Variants in GRM7 observed in about 807,000 individuals in gnomAD.
GRM7 encodes the protein glutamate metabotropic receptor 7.
Under a neutral mutation model 84.5 loss-of-function variants are expected in GRM7, and 35 were observed. The observed-to-expected ratio is 0.41, with a 90% CI of 0.32 to 0.55. The LOEUF is 0.55. Among genes scored for constraint, GRM7 ranks in the 20% least tolerant of loss-of-function variants. GRM7 has a pLI of 0.19. For synonymous variants in GRM7, 487 were observed against 455.1 expected, an observed-to-expected ratio of 1.07 and a Z score of -0.89; for missense variants, 1,003 against 1,194.6, an observed-to-expected ratio of 0.84 and a Z score of 2.36.
chr3:7,148,251 G>C (rs567124151), intron 2 of GRM7, among the ~76,000 whole-genome samples: 1 of 152,054 alleles, frequency 6.6e-6, no homozygotes, highest in Non-Finnish European at 1.5e-5. Flanking sequence ...ATCAAACTAA[G>C]GCTGGAGGCT....
intron 2 of GRM7, among the ~76,000 whole-genome samples, chr3:7,229,189 T>G (rs1007931662): frequency 6.6e-6 from 1 of 152,170 alleles, no homozygotes; most frequent in African/African-American, 2.4e-5. Flanking sequence ...ACTTTACAAT[T>G]AACATTTCCA....
At chr3:7,739,409 A>G (rs1361584688) in intron 9 of GRM7, among the ~76,000 whole-genome samples, 1 of 152,252 alleles carries the variant, frequency 6.6e-6, no homozygotes, top group Non-Finnish European at 1.5e-5. Context: ...ATCTAAAAAC[A>G]GTAAGCAAAA....
At chr3:7,287,567 T>A (rs1403203466) in intron 2 of GRM7, among the ~76,000 whole-genome samples, 4 of 152,116 alleles carry the variant, frequency 2.6e-5, no homozygotes, top group African/African-American at 9.7e-5. Context: ...CTGATAAAAG[T>A]CTTAAATATT....
intron 4 of GRM7, among the ~76,000 whole-genome samples, chr3:7,381,838 A>G (rs2125130566): frequency 6.6e-6 from 1 of 152,322 alleles, no homozygotes; most frequent in South Asian, 2.1e-4. Context: ...GGGAGAATCA[A>G]TCATTTCTGA....
intron 4 of GRM7, among the ~76,000 whole-genome samples, chr3:7,381,604 T>C (rs944043778): frequency 6.6e-6 from 1 of 152,164 alleles, no homozygotes; most frequent in African/African-American, 2.4e-5. Flanking sequence ...CTGACCGTAT[T>C]GAAGTATGGG....
At chr3:7,649,292 A>C (rs901819891) in intron 8 of GRM7, among the ~76,000 whole-genome samples, 1 of 151,978 alleles carries the variant, frequency 6.6e-6, no homozygotes, top group African/African-American at 2.4e-5. Context: ...GATAGTCCCG[A>C]TCTCCTGACC....
At chr3:7,154,126 T>A (rs1343309548) in intron 2 of GRM7, among the ~76,000 whole-genome samples, 91 of 152,292 alleles carry the variant, frequency 6.0e-4, no homozygotes, top group Non-Finnish European at 5.9e-5. Context: ...TGATGGAAAA[T>A]TGTCTTCCAA....
chr3:7,677,834 G>C (rs1341747489), intron 8 of GRM7, among the ~76,000 whole-genome samples: 1 of 152,116 alleles, frequency 6.6e-6, no homozygotes, highest in African/African-American at 2.4e-5. Context: ...TTTCACAATA[G>C]CAAAGACATG....
intron 8 of GRM7, among the ~76,000 whole-genome samples, chr3:7,619,207 T>C (rs1307758177): frequency 1.3e-5 from 2 of 152,164 alleles, no homozygotes; most frequent in Non-Finnish European, 2.9e-5. Flanking sequence ...GAAGACAAGT[T>C]TCTCCTCTCT....
chr3:7,576,621 T>G (rs1694973709), intron 7 of GRM7, among the ~76,000 whole-genome samples: 1 of 152,214 alleles, frequency 6.6e-6, no homozygotes, highest in Non-Finnish European at 1.5e-5. Context: ...CTTTATCTCT[T>G]AAAATTATGC....
chr3:7,073,522 G>A, intron 1 of GRM7, among the ~76,000 whole-genome samples: 1 of 152,216 alleles, frequency 6.6e-6, no homozygotes, highest in East Asian at 1.9e-4. Context: ...CTCGTTCCCT[G>A]ATAGTTGATT....
intron 2 of GRM7, among the ~76,000 whole-genome samples, chr3:7,241,750 C>A (rs1248686521): frequency 6.6e-6 from 1 of 152,082 alleles, no homozygotes; most frequent in East Asian, 1.9e-4. Context: ...TTCAGGTTTG[C>A]CAGCAAAGTC....
chr3:7,042,825 T>G (rs1696677950), intron 1 of GRM7, among the ~76,000 whole-genome samples: 1 of 152,192 alleles, frequency 6.6e-6, no homozygotes, highest in Non-Finnish European at 1.5e-5. Flanking sequence ...TTGGTCATTT[T>G]TTATGTCTGA....
chr3:7,534,720 C>G (rs967260246), intron 7 of GRM7, among the ~76,000 whole-genome samples: 1 of 152,070 alleles, frequency 6.6e-6, no homozygotes, highest in African/African-American at 2.4e-5. Flanking sequence ...TGAAGACCCA[C>G]TCCTTATCTT....
intron 8 of GRM7, among the ~76,000 whole-genome samples, chr3:7,638,685 G>T (rs1163161648): frequency 3.9e-5 from 6 of 152,210 alleles, no homozygotes; most frequent in Admixed American, 6.5e-5. Context: ...CCATTTCAGG[G>T]TATGCTCTTA....
chr3:6,882,001 T>C (rs1417596013), intron 1 of GRM7, among the ~76,000 whole-genome samples: 1 of 151,924 alleles, frequency 6.6e-6, no homozygotes, highest in African/African-American at 2.4e-5. Flanking sequence ...AAAATATAGA[T>C]AAATCCAACT....
chr3:6,948,969 T>A (rs547558854), intron 1 of GRM7, among the ~76,000 whole-genome samples: 27 of 152,346 alleles, frequency 1.8e-4, no homozygotes, highest in African/African-American at 5.8e-4. Flanking sequence ...GAGATGGGTT[T>A]CCTGAATACA....
intron 1 of GRM7, among the ~76,000 whole-genome samples, chr3:7,134,432 A>G (rs200283376): frequency 1.8e-4 from 14 of 78,918 alleles, no homozygotes; most frequent in Admixed American, 3.1e-4. Flanking sequence ...CATCATCGTC[A>G]TCATCATCAT....
chr3:7,328,943 C>G (rs1701087384), intron 4 of GRM7, among the ~76,000 whole-genome samples: 1 of 152,028 alleles, frequency 6.6e-6, no homozygotes, highest in South Asian at 2.1e-4. Context: ...ACTTGTTAGT[C>G]TCTTTGCAGG....
Sources: gnomAD v4.1 joint callset for allele counts (sites outside exome capture counted in the v4.1 genomes callset) on GRCh38, gnomAD v4.1.1 for gene constraint, MANE v1.5 for transcripts, NCBI Gene and HGNC (gene_info 2026-07-23, HGNC 2026-07-21) for gene names.